Variants in TNIP3 observed in about 807,000 individuals in gnomAD.
TNIP3 encodes TNFAIP3-interacting protein 3.
TNIP3 carries 34 observed loss-of-function variants against 54.1 expected under a neutral mutation model. The ratio of observed to expected loss-of-function variants is 0.63; its 90% CI spans 0.48 to 0.84. The LOEUF (loss-of-function observed/expected upper bound fraction) is 0.84, where lower values mean the gene tolerates loss of function less well. Ranked by LOEUF, TNIP3 falls within the 40% of genes least tolerant of loss-of-function variation. The pLI is 0.00. For missense variants in TNIP3, 366 were observed against 387.6 expected, an observed-to-expected ratio of 0.94 and a Z score of 0.47; for synonymous variants, 134 against 136.8, an observed-to-expected ratio of 0.98 and a Z score of 0.14.
At chr4:121,180,066 A>C (rs1395519926) in intron 3 of TNIP3, among the ~76,000 whole-genome samples, 3 of 151,996 alleles carry the variant, frequency 2.0e-5, no homozygotes, top group Non-Finnish European at 4.4e-5. Context: ...GACCAGAGAA[A>C]AAAAGCGGGG....
chr4:121,179,765 A>AT (rs1332931603), intron 3 of TNIP3, among the ~76,000 whole-genome samples: 1 of 144,702 alleles, frequency 6.9e-6, no homozygotes, highest in African/African-American at 2.5e-5. Flanking sequence ...AGTTTGGATG[A>AT]TTGGGTGCCT....
chr4:121,220,232 G>A (rs1726973230), upstream of TNIP3, among the ~76,000 whole-genome samples: 1 of 152,134 alleles, frequency 6.6e-6, no homozygotes, highest in Non-Finnish European at 1.5e-5. Flanking sequence ...CAAAATATTA[G>A]TTAAAGCTGG....
At chr4:121,153,882 G>A (rs184953255) in intron 5 of TNIP3, among the ~76,000 whole-genome samples, 48 of 152,140 alleles carry the variant, frequency 3.2e-4, no homozygotes, top group African/African-American at 9.9e-4. Context: ...ATGTGCTAGC[G>A]CATTCCTATG....
intron 2 of TNIP3, among the ~76,000 whole-genome samples, chr4:121,209,270 T>A (rs1726349574): frequency 6.6e-6 from 1 of 152,230 alleles, no homozygotes; most frequent in Non-Finnish European, 1.5e-5. Flanking sequence ...GTCCTTCTCA[T>A]GAATTACCAA....
chr4:121,198,382 G>A (rs1333862022), intron 2 of TNIP3, among the ~76,000 whole-genome samples: 1 of 152,124 alleles, frequency 6.6e-6, no homozygotes, highest in African/African-American at 2.4e-5. Flanking sequence ...GGTGCAAAGA[G>A]GTTTACAAGG....
chr4:121,164,388 G>A, upstream of TNIP3: 1 of 1,209,332 alleles, frequency 8.3e-7, no homozygotes, highest in Non-Finnish European at 1.0e-6. Flanking sequence ...TTCCCAGGAT[G>A]TCTCAAATAG....
chr4:121,149,670 G>A (rs1240905569), intron 6 of TNIP3, among the ~76,000 whole-genome samples: 3 of 152,218 alleles, frequency 2.0e-5, no homozygotes, highest in African/African-American at 7.2e-5. Context: ...GGAGGCTGAG[G>A]CAGGAGAATC....
At chr4:121,191,521 A>G (rs191389208) in intron 2 of TNIP3, among the ~76,000 whole-genome samples, 1 of 152,228 alleles carries the variant, frequency 6.6e-6, no homozygotes, top group Non-Finnish European at 1.5e-5. Flanking sequence ...GAAGTAGAGT[A>G]TATAAGTTAT....
In TNIP3 at chr4:121,140,954, A is replaced by G. The variant is rs770102519; in HGVS notation, c.885+862T>C. ...CCTTGGGAAAAGGGTTTTGAGTCAC[A>G]CTCGAACAAAAGTATGAGAACTTTC... is the stretch of plus-strand genomic sequence containing the variant. On this transcript the variant is annotated intron_variant, in intron 9 of 10. Coordinates refer to ENST00000057513, the MANE Select transcript of TNIP3 (RefSeq NM_024873.6). Among the ~76,000 whole-genome samples, 272 of 152,292 alleles carry G rather than the reference A, an allele frequency of 1.8e-3. 2 individuals are homozygous for G. The highest frequency in any genetic ancestry group is 4.1e-3 in the Admixed American group (63 of 15,284).
At chr4:121,191,037 A>AT (rs1725282270) in intron 2 of TNIP3, among the ~76,000 whole-genome samples, 1 of 152,202 alleles carries the variant, frequency 6.6e-6, no homozygotes, top group Non-Finnish European at 1.5e-5. Flanking sequence ...ACATAGCTTA[A>AT]TAGCATTTTG....
Position 121,203,563 on chromosome 4 carries a change from G to C in TNIP3, c.68+12852C>G, listed in dbSNP as rs1560690821. Among the ~76,000 whole-genome samples the C allele has an allele frequency of 2.6e-5, 4 of 152,090 alleles. No homozygotes were observed. The South Asian group carries it at 8.3e-4, about 32-fold the overall frequency. On this transcript the variant is annotated intron_variant, in intron 2 of 12. Transcript: ENST00000507879. ...CACCAAAATCTCAGAATTCACCATT[G>C]AAGAATTACTCATATAACCAAACAC...
intron 3 of TNIP3, 92 bp from the exon 4 acceptor site, chr4:121,157,335 C>G: frequency 6.5e-7 from 1 of 1,537,716 alleles, no homozygotes; most frequent in South Asian, 1.1e-5. Flanking sequence ...TTGGCAGAAA[C>G]GCCCCACCCC....
chr4:121,203,039 G>C (rs1366237303), intron 2 of TNIP3, among the ~76,000 whole-genome samples: 1 of 152,048 alleles, frequency 6.6e-6, no homozygotes, highest in Non-Finnish European at 1.5e-5. Context: ...AGAATTAAAA[G>C]TAGATCTACC....
At position 121,212,336 on chromosome 4, in the gene TNIP3, T is replaced by C. The variant is rs558306358; in HGVS notation, c.68+4079A>G. 3.3e-5 allele frequency among the ~76,000 whole-genome samples: 5 copies of C among 152,338 alleles called. No homozygotes were observed. The East Asian group carries it at 9.6e-4, about 29-fold the overall frequency. On this transcript the variant is annotated intron_variant, in intron 2 of 12. Coordinates refer to the TNIP3 transcript ENST00000507879. ...CCCAAAGCTCCTTGTCTCAAATCTC[T>C]GTGAATTTATCCATCCAATAAAACT... is the stretch of plus-strand genomic sequence containing the variant.
intron 3 of TNIP3, among the ~76,000 whole-genome samples, chr4:121,174,220 T>C (rs948173600): frequency 2.0e-5 from 3 of 152,104 alleles, no homozygotes; most frequent in Non-Finnish European, 2.9e-5. Context: ...TTAGACACTA[T>C]TTTTAAATAC....
At chr4:121,174,432 A>T (rs533173468) in intron 3 of TNIP3, among the ~76,000 whole-genome samples, 23 of 146,778 alleles carry the variant, frequency 1.6e-4, no homozygotes, top group Admixed American at 3.4e-4. Context: ...TAAACAAAAT[A>T]AAAAAAATAA....
intron 5 of TNIP3, among the ~76,000 whole-genome samples, chr4:121,151,749 A>C (rs868783975): frequency 2.6e-5 from 4 of 152,166 alleles, no homozygotes; most frequent in African/African-American, 7.2e-5. Flanking sequence ...TCTACTTTTC[A>C]TGCTATTTGG....
At chr4:121,163,429 AAC>A (rs1484494092) in intron 1 of TNIP3, among the ~76,000 whole-genome samples, 1 of 152,198 alleles carries the variant, frequency 6.6e-6, no homozygotes, top group Non-Finnish European at 1.5e-5. Context: ...CTGCTTACGG[AAC>A]AGTTATTCCC....
chr4:121,182,636 AG>A (rs1455535424), intron 3 of TNIP3: 1 of 1,531,292 alleles, frequency 6.5e-7, no homozygotes, highest in Non-Finnish European at 8.7e-7. Flanking sequence ...AAACTGCTGA[AG>A]GGTACATCGA....
Sources: allele counts gnomAD v4.1 joint callset (sites outside exome capture counted in the v4.1 genomes callset), GRCh38; gene constraint gnomAD v4.1.1; transcripts MANE v1.5; gene names NCBI Gene and HGNC (gene_info 2026-07-23, HGNC 2026-07-21).